CDH11: variants seen among roughly 807,000 people sequenced by gnomAD.
CDH11 encodes cadherin 11.
In CDH11, 11 loss-of-function variants were observed where a neutral mutation model predicts 67.8. The observed-to-expected ratio is 0.16, with a 90% CI of 0.10 to 0.27. CDH11 has a LOEUF of 0.27. CDH11 is among the 10% of genes least tolerant of loss of function. The pLI, the probability that CDH11 is intolerant of heterozygous loss-of-function variation, is 1.00. For synonymous variants in CDH11, 419 were observed against 400.0 expected (o/e 1.05, Z -0.57); for missense variants, 847 against 1,031.2 (o/e 0.82, Z 2.45).
chr16:64,971,518 T>C (rs1057469088), intron 11 of CDH11, 61 bp downstream of exon 11: 33 of 953,810 alleles, frequency 3.5e-5, no homozygotes, highest in Non-Finnish European at 5.3e-5. Context: ...TGCTATGCAA[T>C]GTAAACGCCA....
At chr16:65,047,269 T>G (rs1473241013) in intron 2 of CDH11, among the ~76,000 whole-genome samples, 1 of 152,176 alleles carries the variant, frequency 6.6e-6, no homozygotes. Flanking sequence ...TTCCAGGGAA[T>G]GAGATTGAAC....
chr16:65,101,620 T>C (rs1401525534), intron 1 of CDH11, among the ~76,000 whole-genome samples: 1 of 152,140 alleles, frequency 6.6e-6, no homozygotes, highest in Non-Finnish European at 1.5e-5. Flanking sequence ...ACCAAGACCA[T>C]CACTACCATC....
At chr16:64,956,992 G>GA (rs1235958297) in intron 11 of CDH11, among the ~76,000 whole-genome samples, 1 of 152,106 alleles carries the variant, frequency 6.6e-6, no homozygotes, top group African/African-American at 2.4e-5. Context: ...AATAAAAAAG[G>GA]AAAAAATTAA....
chr16:65,113,119 C>G (rs1180856076), intron 1 of CDH11, among the ~76,000 whole-genome samples: 1 of 152,060 alleles, frequency 6.6e-6, no homozygotes, highest in Non-Finnish European at 1.5e-5. Flanking sequence ...AACCCCATCT[C>G]TACTAAAAAT....
At chr16:65,029,643 A>G (rs2073603227) in intron 2 of CDH11, among the ~76,000 whole-genome samples, 1 of 152,224 alleles carries the variant, frequency 6.6e-6, no homozygotes, top group Admixed American at 6.5e-5. Context: ...CAGTTCCTTA[A>G]TGAGCATGCA....
chr16:65,114,637 T>G (rs1470226337), intron 1 of CDH11, among the ~76,000 whole-genome samples: 2 of 152,120 alleles, frequency 1.3e-5, no homozygotes, highest in Non-Finnish European at 1.5e-5. Context: ...ATATTCCCTT[T>G]CATTGCAAGG....
Position 64,958,163 on chromosome 16 carries a change from G to A in CDH11, c.1643-7145C>T, listed in dbSNP as rs527542722. Among the ~76,000 whole-genome samples the A allele has an allele frequency of 7.9e-5, 12 of 152,272 alleles. No homozygotes were observed. In the East Asian group the frequency reaches 9.7e-4, roughly 12 times the overall value. ...CCTTGTCTTATTTAGCTTTTCAGTC[G>A]TCTTTGTGCATTTAGGCATTTAGCA... On this transcript the variant is annotated intron_variant, in intron 11 of 12. Transcript: ENST00000268603.
At chr16:64,961,764 T>C (rs1360533989) in intron 11 of CDH11, among the ~76,000 whole-genome samples, 1 of 152,226 alleles carries the variant, frequency 6.6e-6, no homozygotes, top group Non-Finnish European at 1.5e-5. Context: ...TAGAATATTG[T>C]ATTTATAATT....
At chr16:65,063,894 A>C (rs1375157961) in intron 1 of CDH11, among the ~76,000 whole-genome samples, 1 of 152,182 alleles carries the variant, frequency 6.6e-6, no homozygotes, top group Non-Finnish European at 1.5e-5. Flanking sequence ...CCCCTGGCTA[A>C]AAGCATCCCA....
chr16:65,022,853 A>G (rs2073454611), intron 2 of CDH11, among the ~76,000 whole-genome samples: 1 of 152,172 alleles, frequency 6.6e-6, no homozygotes, highest in Non-Finnish European at 1.5e-5. Context: ...GGCAGCCAAC[A>G]GTGAACCCCA....
In CDH11 at chr16:64,947,648, T is replaced by C; in HGVS notation, c.2346A>G (p.Leu782=). ...TGTCTTTGGAACCATACAAATCTGC[T>C]AGTTTCTTAAAACGAGGTCCCCAGT... ...LQNWGPRFKK[L]ADLYGSKDTF... Residue 782 remains leucine, a synonymous_variant, in exon 13 of 13, where the codon CTA becomes CTG. Coordinates refer to ENST00000268603, the MANE Select transcript of CDH11 (RefSeq NM_001797.4). 1.2e-6 allele frequency: 2 copies of C among 1,614,126 alleles called. No individual in the cohort carries two copies. The highest frequency in any genetic ancestry group is 4.5e-5 in the East Asian group (2 of 44,876).
upstream of CDH11, among the ~76,000 whole-genome samples, chr16:65,123,184 C>A (rs1023733122): frequency 1.3e-5 from 2 of 152,046 alleles, no homozygotes; most frequent in Non-Finnish European, 2.9e-5. Context: ...GATCCGCACA[C>A]CCAGCAGGGA....
chr16:64,958,452 A>G (rs1285763958), intron 11 of CDH11, among the ~76,000 whole-genome samples: 2 of 152,186 alleles, frequency 1.3e-5, no homozygotes, highest in Non-Finnish European at 2.9e-5. Context: ...ACATTGATTG[A>G]ACTGCTAATA....
chr16:64,973,940 A>G (rs2072085321), intron 8 of CDH11, among the ~76,000 whole-genome samples: 1 of 152,270 alleles, frequency 6.6e-6, no homozygotes, highest in East Asian at 1.9e-4. Context: ...TTGGCCATTT[A>G]CTTGTAGGGC....
chr16:64,992,990 T>C lies in CDH11; in HGVS notation c.568A>G (p.Thr190Ala), dbSNP rs776417862. ...QVTASDADDP[T>A]YGNSAKLVYS... ...ACTAACTTGGCGCTATTTCCATAAG[T>C]GGGGTCATCTGCATCTGAAGCTGTC... Residue 190 changes from threonine to alanine, a missense_variant, in exon 5 of 13, where the codon ACT becomes GCT. Coordinates refer to ENST00000268603, the MANE Select transcript of CDH11 (RefSeq NM_001797.4). The C allele has an allele frequency of 2.5e-6, 4 of 1,611,468 alleles. No individual in the cohort carries two copies. The highest frequency in any genetic ancestry group is 3.4e-6 in the Non-Finnish European group (4 of 1,177,636).
intron 2 of CDH11, among the ~76,000 whole-genome samples, chr16:65,043,378 A>G (rs919440943): frequency 4.6e-5 from 7 of 152,208 alleles, no homozygotes; most frequent in African/African-American, 1.7e-4. Context: ...TTGGAATAAC[A>G]CCTGGAGAAG....
chr16:65,015,929 T>C (rs2142562142), intron 2 of CDH11, among the ~76,000 whole-genome samples: 1 of 152,320 alleles, frequency 6.6e-6, no homozygotes, highest in Admixed American at 6.5e-5. Context: ...ATCCATCCTG[T>C]GCCCATAATC....
intron 2 of CDH11, among the ~76,000 whole-genome samples, chr16:65,028,790 A>G (rs2073583135): frequency 6.6e-6 from 1 of 152,216 alleles, no homozygotes. Flanking sequence ...ACATGGATGA[A>G]CCTGGAGGAC....
intron 2 of CDH11, 77 bp from the exon 3 acceptor site, chr16:65,005,118 G>A: frequency 7.9e-7 from 1 of 1,265,742 alleles, no homozygotes; most frequent in Non-Finnish European, 1.0e-6. Flanking sequence ...AAGCCTTCAG[G>A]ACTGGGCATG....
Sources: gnomAD v4.1 joint callset for allele counts (sites outside exome capture counted in the v4.1 genomes callset) on GRCh38, gnomAD v4.1.1 for gene constraint, MANE v1.5 for transcripts, NCBI Gene and HGNC (gene_info 2026-07-23, HGNC 2026-07-21) for gene names.